SLC6A2: variants seen among roughly 807,000 people sequenced by gnomAD.
SLC6A2 encodes the protein solute carrier family 6 member 2.
In SLC6A2, 26 loss-of-function variants were observed where a neutral mutation model predicts 71.7. That is an observed-to-expected ratio of 0.36 (90% CI 0.27 to 0.50). The LOEUF is 0.50. Ranked by LOEUF, SLC6A2 falls within the 20% of genes least tolerant of loss-of-function variation. The probability of loss-of-function intolerance (pLI) is 0.96; values close to 1 mark genes in which losing one functional copy is unlikely to be tolerated. For missense variants in SLC6A2, 581 were observed against 803.9 expected (o/e 0.72, Z 3.35); for synonymous variants, 363 against 337.9 (o/e 1.07, Z -0.82).
chr16:55,693,749 A>C (rs1965709805), intron 6 of SLC6A2, among the ~76,000 whole-genome samples: 1 of 152,204 alleles, frequency 6.6e-6, no homozygotes. Context: ...TCAGGGCATG[A>C]AATTGAGTGA....
At chr16:55,667,700 G>A (rs528320107) in intron 2 of SLC6A2, among the ~76,000 whole-genome samples, 166 of 152,348 alleles carry the variant, frequency 1.1e-3, no homozygotes, top group Non-Finnish European at 1.8e-3. Flanking sequence ...AGTGGCTGTA[G>A]CATTGGGCCA....
At chr16:55,686,541 T>A (rs1348896749) in intron 5 of SLC6A2, among the ~76,000 whole-genome samples, 2 of 152,178 alleles carry the variant, frequency 1.3e-5, no homozygotes, top group East Asian at 3.9e-4. Context: ...AGCGCAACAG[T>A]CTACCTTAAT....
intron 3 of SLC6A2, among the ~76,000 whole-genome samples, chr16:55,671,150 G>A (rs1964898629): frequency 6.6e-6 from 1 of 152,218 alleles, no homozygotes; most frequent in Non-Finnish European, 1.5e-5. Flanking sequence ...GTTAGTGCGG[G>A]AAGTGATCCT....
rs1178698084 is a variant in SLC6A2, at chr16:55,698,045, T to C, written c.1389+20T>C. ...ACCAAGGTGAGTAGGGGCTGGGCTCTGGGTCACCTGGGGGCCTCTGAGGCC... is the reference window on the plus strand; with the variant it reads ...ACCAAGGTGAGTAGGGGCTGGGCTCCGGGTCACCTGGGGGCCTCTGAGGCC... On this transcript the variant is annotated intron_variant, in intron 10 of 14. Coordinates refer to ENST00000568943, the MANE Select transcript of SLC6A2 (RefSeq NM_001172501.3). 1 of 1,613,598 alleles carries C rather than the reference T, an allele frequency of 6.2e-7. No homozygotes were observed. The highest frequency in any genetic ancestry group is 1.7e-5 in the Admixed American group (1 of 60,010).
chr16:55,679,686 G>A (rs556272874), intron 4 of SLC6A2, among the ~76,000 whole-genome samples: 13 of 152,326 alleles, frequency 8.5e-5, no homozygotes, highest in African/African-American at 3.1e-4. Context: ...GAGCTCGGAC[G>A]TGTGTTCTGG....
intron 4 of SLC6A2, among the ~76,000 whole-genome samples, chr16:55,682,808 T>A (rs1461473713): frequency 6.6e-6 from 1 of 152,168 alleles, no homozygotes; most frequent in Non-Finnish European, 1.5e-5. Flanking sequence ...CCTCTGAGTG[T>A]GAGGCACAGA....
In SLC6A2 at chr16:55,675,371, G is replaced by A. The variant is rs549558583; in HGVS notation, c.644+3196G>A. Among the ~76,000 whole-genome samples, 9 of 152,314 alleles carry A rather than the reference G, an allele frequency of 5.9e-5. No homozygotes were observed. In the South Asian group the frequency reaches 1.9e-3, roughly 32 times the overall value. ...AGGGCATTCATGGTCTAGAGCAGAG[G>A]TCCCCAAACTTTTCTGCTTAAGATC... On this transcript the variant is annotated intron_variant, in intron 4 of 14. Transcript: ENST00000568943.
At chr16:55,668,642 G>C (rs1964819256) in intron 2 of SLC6A2, among the ~76,000 whole-genome samples, 2 of 152,144 alleles carry the variant, frequency 1.3e-5, no homozygotes, top group African/African-American at 4.8e-5. Flanking sequence ...CGCAGAGTCA[G>C]AATCCACTAA....
intron 4 of SLC6A2, among the ~76,000 whole-genome samples, chr16:55,680,912 A>C (rs1965251010): frequency 1.3e-5 from 2 of 151,986 alleles, no homozygotes; most frequent in South Asian, 4.2e-4. Context: ...CATTCTGGGG[A>C]GGGGGCATTG....
intron 2 of SLC6A2, among the ~76,000 whole-genome samples, chr16:55,664,910 C>T (rs1964706846): frequency 6.6e-6 from 1 of 152,186 alleles, no homozygotes; most frequent in Admixed American, 6.5e-5. Context: ...ACCCCACCAC[C>T]CTCCAATACC....
intron 4 of SLC6A2, among the ~76,000 whole-genome samples, chr16:55,673,611 G>T (rs1036377348): frequency 2.0e-5 from 3 of 151,908 alleles, no homozygotes; most frequent in Non-Finnish European, 4.4e-5. Context: ...GCCCACGCTG[G>T]AGTGCAGTGG....
intron 4 of SLC6A2, among the ~76,000 whole-genome samples, chr16:55,682,430 C>T (rs1193806802): frequency 1.3e-5 from 2 of 152,124 alleles, no homozygotes; most frequent in Non-Finnish European, 2.9e-5. Flanking sequence ...TACTCGTTCT[C>T]CTTGGGGTGA....
At chr16:55,694,264 A>G (rs992373396) in intron 7 of SLC6A2, 151 bp downstream of exon 7, 11 of 684,770 alleles carry the variant, frequency 1.6e-5, no homozygotes, top group Non-Finnish European at 2.7e-5. Context: ...ATAAACTGCG[A>G]CATGGCCTCT....
intron 4 of SLC6A2, among the ~76,000 whole-genome samples, chr16:55,676,402 G>A (rs2142529653): frequency 6.6e-6 from 1 of 152,222 alleles, no homozygotes; most frequent in East Asian, 1.9e-4. Flanking sequence ...CACACTCTTG[G>A]GGAGGCTTCA....
At chr16:55,699,192 G>A (rs1246224229) in intron 11 of SLC6A2, among the ~76,000 whole-genome samples, 2 of 152,182 alleles carry the variant, frequency 1.3e-5, no homozygotes, top group African/African-American at 2.4e-5. Context: ...TTGAAGTCAG[G>A]GAATGTGCTG....
chr16:55,668,661 C>T (rs1317252457), intron 2 of SLC6A2, among the ~76,000 whole-genome samples: 1 of 152,162 alleles, frequency 6.6e-6, no homozygotes, highest in Non-Finnish European at 1.5e-5. Context: ...AAGCACATCC[C>T]GGACTGCCAG....
chr16:55,667,236 C>G (rs1306403313), intron 2 of SLC6A2, among the ~76,000 whole-genome samples: 1 of 152,162 alleles, frequency 6.6e-6, no homozygotes, highest in Non-Finnish European at 1.5e-5. Flanking sequence ...CTGCCCCTTG[C>G]CCTGGCTCTA....
chr16:55,668,029 G>A (rs1233147214), intron 2 of SLC6A2, among the ~76,000 whole-genome samples: 1 of 152,196 alleles, frequency 6.6e-6, no homozygotes, highest in Admixed American at 6.5e-5. Context: ...TCAAGCCCAG[G>A]TCCTGCTTGA....
Position 55,705,485 on chromosome 16 carries a change from T to C in SLC6A2, c.*3139T>C. 2.0e-6 allele frequency: 1 copy of C among 512,314 alleles called. No individual in the cohort carries two copies. Among genetic ancestry groups the C allele is most frequent in the Non-Finnish European group, 3.4e-6 (1 of 291,084 alleles). 31.7% of individuals were successfully genotyped at this position (512,314 alleles called of 1,614,324 possible). ...CGAAGAGAGAAAAACAGAGAAGGTG[T>C]GTAGTGTGGCGGAAAAAGCACAGCA... On this transcript the variant is annotated 3_prime_UTR_variant, in exon 15 of 15. Transcript: ENST00000568943.
Sources: gnomAD v4.1 joint callset for allele counts (sites outside exome capture counted in the v4.1 genomes callset) on GRCh38, gnomAD v4.1.1 for gene constraint, MANE v1.5 for transcripts, NCBI Gene and HGNC (gene_info 2026-07-23, HGNC 2026-07-21) for gene names.